Variants in SH3GL2 observed in about 807,000 individuals in gnomAD.
SH3GL2 encodes endophilin-A1.
In SH3GL2, 24 loss-of-function variants were observed where a neutral mutation model predicts 46.0. The ratio of observed to expected loss-of-function variants is 0.52; its 90% CI spans 0.38 to 0.73. The LOEUF (loss-of-function observed/expected upper bound fraction) is 0.73, where lower values mean the gene tolerates loss of function less well. Among genes scored for constraint, SH3GL2 ranks in the 30% least tolerant of loss-of-function variants. The pLI is 0.00. For synonymous variants in SH3GL2, 196 were observed against 147.1 expected, an observed-to-expected ratio of 1.33 and a Z score of -2.40; for missense variants, 413 against 424.2, an observed-to-expected ratio of 0.97 and a Z score of 0.23.
intron 1 of SH3GL2, among the ~76,000 whole-genome samples, chr9:17,643,685 A>C (rs1488640631): frequency 6.6e-6 from 1 of 152,190 alleles, no homozygotes; most frequent in Non-Finnish European, 1.5e-5. Flanking sequence ...GGTGAAGCCG[A>C]CTTGATCGTG....
At chr9:17,692,281 T>G (rs1290138338) in intron 1 of SH3GL2, among the ~76,000 whole-genome samples, 11 of 32,246 alleles carry the variant, frequency 3.4e-4, no homozygotes, top group African/African-American at 3.0e-3. Flanking sequence ...TCTTATTTGC[T>G]TTTTTTTTTT....
intron 1 of SH3GL2, among the ~76,000 whole-genome samples, chr9:17,726,505 T>C (rs1045405085): frequency 2.0e-5 from 3 of 152,138 alleles, no homozygotes; most frequent in African/African-American, 7.2e-5. Context: ...TGGAAGTAGG[T>C]TTTGACTCTG....
At chr9:17,619,282 C>T (rs1298020773) in intron 1 of SH3GL2, among the ~76,000 whole-genome samples, 1 of 152,126 alleles carries the variant, frequency 6.6e-6, no homozygotes, top group African/African-American at 2.4e-5. Context: ...TTCCTTATAG[C>T]CTTCTTTCAG....
chr9:17,680,409 A>G (rs1201506115), intron 1 of SH3GL2, among the ~76,000 whole-genome samples: 3 of 152,034 alleles, frequency 2.0e-5, no homozygotes, highest in African/African-American at 7.2e-5. Context: ...TTTCTAGTTT[A>G]TTTGTGTAGA....
At chr9:17,673,032 G>T (rs796385619) in intron 1 of SH3GL2, among the ~76,000 whole-genome samples, 20 of 152,106 alleles carry the variant, frequency 1.3e-4, no homozygotes, top group African/African-American at 3.9e-4. Context: ...TTGATTTCTT[G>T]CCCTGTTACC....
intron 1 of SH3GL2, among the ~76,000 whole-genome samples, chr9:17,722,592 T>A (rs1411073489): frequency 6.6e-6 from 1 of 152,218 alleles, no homozygotes; most frequent in East Asian, 1.9e-4. Context: ...TAGTTACATA[T>A]GTATTCCTGT....
At chr9:17,737,105 GA>G (rs1281542734) in intron 1 of SH3GL2, among the ~76,000 whole-genome samples, 2 of 151,982 alleles carry the variant, frequency 1.3e-5, no homozygotes, top group East Asian at 3.9e-4. Context: ...CACAGGAACA[GA>G]AAACAAAACA....
chr9:17,781,895 A>G (rs528362555), intron 3 of SH3GL2, among the ~76,000 whole-genome samples: 1 of 152,010 alleles, frequency 6.6e-6, no homozygotes, highest in South Asian at 2.1e-4. Context: ...TCTGCAGTGT[A>G]AATATTAATA....
intron 1 of SH3GL2, among the ~76,000 whole-genome samples, chr9:17,734,562 A>G (rs935579197): frequency 7.2e-5 from 11 of 152,174 alleles, no homozygotes; most frequent in African/African-American, 2.7e-4. Flanking sequence ...ATGTCCATTA[A>G]CAGTTGAATG....
rs1159123255 is a variant in SH3GL2, at chr9:17,796,741, C to G, written c.*998C>G. ...TCTTTGAACATCATTTGTGCAGATT[C>G]TGCCCTCAATGAGGACCAAATAAAG... is the stretch of plus-strand genomic sequence containing the variant. On this transcript the variant is annotated 3_prime_UTR_variant, in exon 9 of 9. Transcript: ENST00000380607. 1 of 152,642 alleles carries G rather than the reference C, an allele frequency of 6.6e-6. No individual in the cohort carries two copies. Among genetic ancestry groups the G allele is most frequent in the Non-Finnish European group, 1.5e-5 (1 of 68,040 alleles). The allele number at this position is 152,642 out of a possible 1,614,324, so 9.5% of individuals were successfully genotyped here. A position where few individuals can be genotyped will look rare whatever the true frequency, so the allele number is the denominator to read the frequency against.
intron 1 of SH3GL2, among the ~76,000 whole-genome samples, chr9:17,664,216 T>A (rs1820290836): frequency 1.3e-5 from 2 of 152,198 alleles, no homozygotes; most frequent in Admixed American, 6.5e-5. Flanking sequence ...GGAAATTGTT[T>A]TTCTAATTTC....
In SH3GL2 at chr9:17,771,885, A is replaced by C. The variant is rs185941728; in HGVS notation, c.187+10376A>C. On this transcript the variant is annotated intron_variant, in intron 3 of 8. Transcript: ENST00000380607. ...GCACGATCCAGTGCTAGGGTTGTCTATTTGTGTAAGTCAGTAGGCAAATCT... is the reference window on the plus strand; with the variant it reads ...GCACGATCCAGTGCTAGGGTTGTCTCTTTGTGTAAGTCAGTAGGCAAATCT... Among the ~76,000 whole-genome samples, 594 of 150,204 alleles carry C rather than the reference A, an allele frequency of 4.0e-3. 3 individuals are homozygous for C. The highest frequency in any genetic ancestry group is 0.014 in the African/African-American group (556 of 41,024).
chr9:17,731,367 G>T (rs887162583), intron 1 of SH3GL2, among the ~76,000 whole-genome samples: 1 of 148,830 alleles, frequency 6.7e-6, no homozygotes, highest in Non-Finnish European at 1.5e-5. Flanking sequence ...GATGGAATTT[G>T]TGCCCTTAAA....
At chr9:17,785,264 AT>A (rs1823922493) in intron 3 of SH3GL2, among the ~76,000 whole-genome samples, 1 of 152,100 alleles carries the variant, frequency 6.6e-6, no homozygotes, top group Non-Finnish European at 1.5e-5. Flanking sequence ...CACTTGGCAT[AT>A]TTACTTCACT....
At chr9:17,666,450 A>T (rs1038940840) in intron 1 of SH3GL2, among the ~76,000 whole-genome samples, 3 of 151,906 alleles carry the variant, frequency 2.0e-5, no homozygotes, top group African/African-American at 7.3e-5. Flanking sequence ...GGTAACTGGT[A>T]TCATTAGTTT....
intron 1 of SH3GL2, among the ~76,000 whole-genome samples, chr9:17,604,190 C>T (rs1234578039): frequency 2.0e-5 from 3 of 152,168 alleles, no homozygotes; most frequent in Non-Finnish European, 4.4e-5. Context: ...GCGTGGGCTT[C>T]TTCCTTCAGT....
chr9:17,603,715 C>T (rs1205162023), intron 1 of SH3GL2, among the ~76,000 whole-genome samples: 4 of 152,002 alleles, frequency 2.6e-5, no homozygotes, highest in South Asian at 4.1e-4. Context: ...ACAAAATTAG[C>T]CGAGTGTGGT....
intron 1 of SH3GL2, among the ~76,000 whole-genome samples, chr9:17,624,605 C>T (rs1467084814): frequency 6.6e-6 from 1 of 152,102 alleles, no homozygotes; most frequent in Admixed American, 6.5e-5. Context: ...CAATTTGAGC[C>T]CTCAATCAAA....
At chr9:17,721,458 A>C (rs1392952422) in intron 1 of SH3GL2, among the ~76,000 whole-genome samples, 1 of 152,032 alleles carries the variant, frequency 6.6e-6, no homozygotes, top group Non-Finnish European at 1.5e-5. Context: ...ATTTCTTTTA[A>C]CTTTACTACA....
Sources: gnomAD v4.1 joint callset for allele counts (sites outside exome capture counted in the v4.1 genomes callset) on GRCh38, gnomAD v4.1.1 for gene constraint, MANE v1.5 for transcripts, NCBI Gene and HGNC (gene_info 2026-07-23, HGNC 2026-07-21) for gene names.